The following SMG7 variants were observed in gnomAD, a reference collection of about 807,000 sequenced individuals.
SMG7 encodes the protein nonsense-mediated mRNA decay factor SMG7.
SMG7 carries 34 observed loss-of-function variants against 148.2 expected under a neutral mutation model. That is an observed-to-expected ratio of 0.23 (90% confidence interval 0.17 to 0.31). The LOEUF (loss-of-function observed/expected upper bound fraction) is 0.31. SMG7 is among the 10% of genes least tolerant of loss of function. The pLI, the probability that SMG7 is intolerant of heterozygous loss-of-function variation, is 1.00. For missense variants in SMG7, 1,114 were observed against 1,408.4 expected, an observed-to-expected ratio of 0.79 and a Z score of 3.35; for synonymous variants, 492 against 515.1, an observed-to-expected ratio of 0.96 and a Z score of 0.61.
At chr1:183,524,217 GA>G (rs1160183397) in intron 4 of SMG7, among the ~76,000 whole-genome samples, 1 of 152,018 alleles carries the variant, frequency 6.6e-6, no homozygotes, top group Admixed American at 6.6e-5. Flanking sequence ...AAAGTACGGG[GA>G]CTATAGCACT....
Position 183,542,495 on chromosome 1 carries a change from C to T in SMG7, c.1835C>T (p.Ala612Val). The T allele has an allele frequency of 1.9e-6, 3 of 1,612,302 alleles. No homozygotes were observed. The highest frequency in any genetic ancestry group is 2.5e-6 in the Non-Finnish European group (3 of 1,179,174). ...CAGGAAACAGGAAAGCAGAATGTGG[C>T]AGTGCAGGTAAGCTGTATTTGAACT... ...KLQETGKQNV[A>V]VQVKSQTELR... The change falls in exon 14 of 23, where the codon GCA becomes GTA. Residue 612 changes from alanine (A) to valine (V), a missense_variant. Ala to Val is a moderately conservative substitution (Grantham distance 64). Coordinates refer to ENST00000688051, the MANE Select transcript of SMG7 (RefSeq NM_001375584.1).
chr1:183,546,228 C>T lies in SMG7; in HGVS notation c.2633C>T (p.Ala878Val). Residue 878 changes from alanine to valine, a missense_variant, in exon 17 of 23, where the codon GCT (alanine) becomes GTT (valine). Physicochemically the swap from Ala to Val is moderately conservative, Grantham distance 64 (BLOSUM62 0). Transcript: ENST00000688051. ...EFYWDSSYSM[A>V]DNRSVMAQQA... ...TACTGGGATTCTTCCTACAGCATGG[C>T]TGATAACAGATCTGTAATGGCACAG... 6.2e-7 allele frequency: 1 copy of T among 1,614,084 alleles called. No individual in the cohort carries two copies. The highest frequency in any genetic ancestry group is 8.5e-7 in the Non-Finnish European group (1 of 1,179,966).
intron 1 of SMG7, among the ~76,000 whole-genome samples, chr1:183,480,609 C>T (rs1653838290): frequency 6.6e-6 from 1 of 152,062 alleles, no homozygotes; most frequent in Non-Finnish European, 1.5e-5. Flanking sequence ...TCCCAGGTCC[C>T]TGGGGATAAA....
intron 8 of SMG7, among the ~76,000 whole-genome samples, chr1:183,532,870 A>G (rs560891634): frequency 7.2e-5 from 11 of 152,232 alleles, no homozygotes; most frequent in Non-Finnish European, 1.6e-4. Context: ...TGAACACTCA[A>G]AGACTTTTGT....
intron 12 of SMG7, among the ~76,000 whole-genome samples, chr1:183,540,520 ATATT>A (rs1331543086): frequency 6.6e-6 from 1 of 151,972 alleles, no homozygotes; most frequent in African/African-American, 2.4e-5. Context: ...ATGCTTTACG[ATATT>A]TATACATTTT....
rs1347198111 is a variant in SMG7 at position 183,526,680 on chromosome 1, C to G, written c.397C>G (p.Gln133Glu). The G allele has an allele frequency of 5.6e-6, 9 of 1,613,632 alleles. No homozygotes were observed. Among genetic ancestry groups the G allele is most frequent in the East Asian group, 4.5e-5 (2 of 44,860 alleles). Residue 133 changes from glutamine (Q) to glutamate (E), a missense_variant, in exon 5 of 23, where the codon CAG (glutamine) becomes GAG (glutamate). Transcript: ENST00000688051. Reference protein sequence around the residue: ...SSQLGIISNKQTHTSAIVKPQ... With the variant: ...SSQLGIISNKETHTSAIVKPQ... ...CCAATTGGGAATTATCAGCAATAAA[C>G]AGACGCATACCAGCGCCATAGTGAA...
Position 183,546,340 on chromosome 1 carries a change from G to T in SMG7, c.2742+3G>T, listed in dbSNP as rs369672627. 1.1e-4 allele frequency: 172 copies of T among 1,603,852 alleles called. No individual in the cohort carries two copies. The highest frequency in any genetic ancestry group is 1.4e-4 in the Non-Finnish European group (165 of 1,173,812). On this transcript the variant is annotated splice_donor_region_variant and intron_variant, in intron 17 of 22. Transcript: ENST00000688051. Reference sequence around the variant, plus strand: ...CTGTACCCAGAATGCCGTTTGAGGTGTGTGTTCTTTCCTATCACCAGGCAA... The same window carrying T: ...CTGTACCCAGAATGCCGTTTGAGGTTTGTGTTCTTTCCTATCACCAGGCAA...
In SMG7 at chr1:183,547,148, C is replaced by T. The variant is rs1670068285; in HGVS notation, c.2788C>T (p.Leu930=). 1 of 1,550,416 alleles carries T rather than the reference C, an allele frequency of 6.4e-7. No homozygotes were observed. Reference sequence around the variant, plus strand: ...GCTTCCTCCGGACCTGTTAAAGAGTCTGGCTGCCTTGGAGGAAGAGGAAGA... The same window carrying T: ...GCTTCCTCCGGACCTGTTAAAGAGTTTGGCTGCCTTGGAGGAAGAGGAAGA... ...PLLPPDLLKS[L]AALEEEEELI... is the part of the protein sequence containing the mutation. The change falls in exon 18 of 23, where the codon CTG becomes TTG. Residue 930 remains leucine, a synonymous_variant. Transcript: ENST00000688051.
intron 1 of SMG7, among the ~76,000 whole-genome samples, chr1:183,483,618 G>C (rs1010664476): frequency 6.6e-6 from 1 of 152,132 alleles, no homozygotes; most frequent in Non-Finnish European, 1.5e-5. Flanking sequence ...CATACAACTT[G>C]TGTAATATAT....
chr1:183,497,703 G>A (rs1378543992), intron 1 of SMG7, among the ~76,000 whole-genome samples: 2 of 151,996 alleles, frequency 1.3e-5, no homozygotes, highest in East Asian at 1.9e-4. Flanking sequence ...TGGAGTAGCT[G>A]GGATTATAGG....
rs889997576 is a variant in SMG7, at chr1:183,527,643, C to T, written c.485-313C>T. 2 of 495,040 alleles carry T rather than the reference C, an allele frequency of 4.0e-6. No homozygotes were observed. The highest frequency in any genetic ancestry group is 6.0e-5 in the East Asian group (1 of 16,538). 30.7% of individuals were successfully genotyped at this position (495,040 alleles called of 1,614,324 possible). A position where few individuals can be genotyped will look rare whatever the true frequency, so the allele number is the denominator to read the frequency against. On this transcript the variant is annotated intron_variant, in intron 5 of 22. Coordinates refer to ENST00000688051, the MANE Select transcript of SMG7 (RefSeq NM_001375584.1). This position sits in a 1 kb window ranked among gnomAD's most constrained non-coding sequence, Gnocchi z 4.0. ...TTTTTAAGTGCCATATAACTCACCC[C>T]TTCTTGTGGGCCGGCTCCAGGTCAC...
In SMG7 at chr1:183,515,887, T is replaced by C; in HGVS notation, c.75T>C (p.Gly25=). The C allele has an allele frequency of 6.2e-7, 1 of 1,611,592 alleles. No homozygotes were observed. Among genetic ancestry groups the C allele is most frequent in the African/African-American group, 1.3e-5 (1 of 74,880 alleles). Reference sequence around the variant, plus strand: ...TTTGTTACTCAGATTCTAAGCTGGGTCCAGCTGAAGTCTGGACATCCAGGC... The same window carrying C: ...TTTGTTACTCAGATTCTAAGCTGGGCCCAGCTGAAGTCTGGACATCCAGGC... ...LKADMTDSKL[G]PAEVWTSRQA... is the part of the protein sequence containing the mutation. The change falls in exon 3 of 23, where the codon GGT becomes GGC. Residue 25 remains glycine (G), a synonymous_variant. Transcript: ENST00000688051.
chr1:183,472,743 G>C, intron 1 of SMG7, 94 bp downstream of exon 1: 1 of 1,142,058 alleles, frequency 8.8e-7, no homozygotes. Context: ...GGTGGCGGGG[G>C]AGTTGCTGCG....
chr1:183,548,497 T>G (rs933640956), intron 18 of SMG7, among the ~76,000 whole-genome samples: 8 of 151,190 alleles, frequency 5.3e-5, no homozygotes, highest in Non-Finnish European at 1.2e-4. Flanking sequence ...ATTTTCAGGG[T>G]TTTTTTTTCA....
At chr1:183,522,113 G>T (rs1023771645) in intron 4 of SMG7, among the ~76,000 whole-genome samples, 1 of 152,160 alleles carries the variant, frequency 6.6e-6, no homozygotes, top group Non-Finnish European at 1.5e-5. Context: ...TAGTCGAGTG[G>T]TTGTACCATT....
intron 1 of SMG7, among the ~76,000 whole-genome samples, chr1:183,484,360 A>ATT (rs35414239): frequency 4.1e-4 from 59 of 144,984 alleles, no homozygotes; most frequent in South Asian, 2.0e-3. Flanking sequence ...CTGAAAAAAA[A>ATT]TTTTTTTTTT....
Position 183,553,209 on chromosome 1 carries a change from G to A in SMG7, c.*1278G>A, listed in dbSNP as rs2102848887. On this transcript the variant is annotated 3_prime_UTR_variant, in exon 23 of 23. Coordinates refer to ENST00000688051, the MANE Select transcript of SMG7 (RefSeq NM_001375584.1). Reference sequence around the variant, plus strand: ...CGAAAGAAAGGAAAATAAACTCTTTGTATGATATTTATTAGGAGGAAAGAG... The same window carrying A: ...CGAAAGAAAGGAAAATAAACTCTTTATATGATATTTATTAGGAGGAAAGAG... 1 of 1,529,662 alleles carries A rather than the reference G, an allele frequency of 6.5e-7. No homozygotes were observed. Among genetic ancestry groups the A allele is most frequent in the East Asian group, 2.5e-5 (1 of 40,754 alleles). 94.8% of individuals were successfully genotyped at this position (1,529,662 alleles called of 1,614,324 possible).
chr1:183,473,878 C>T lies in SMG7; in HGVS notation c.29+1229C>T, dbSNP rs980001250. Reference sequence around the variant, plus strand: ...ATGAAAGTATTGACGTGTGTGGATCCCTATATGTATATTGCAAGAGGTGTG... The same window carrying T: ...ATGAAAGTATTGACGTGTGTGGATCTCTATATGTATATTGCAAGAGGTGTG... On this transcript the variant is annotated intron_variant, in intron 1 of 22. Coordinates refer to ENST00000688051, the MANE Select transcript of SMG7 (RefSeq NM_001375584.1). The T allele has an allele frequency of 9.1e-6, 9 of 984,672 alleles. No individual in the cohort carries two copies. The South Asian group carries it at 3.8e-4, about 41-fold the overall frequency. The allele number at this position is 984,672 out of a possible 1,614,324, so 61.0% of individuals were successfully genotyped here.
At chr1:183,523,542 T>C (rs1665206686) in intron 4 of SMG7, among the ~76,000 whole-genome samples, 6 of 152,214 alleles carry the variant, frequency 3.9e-5, no homozygotes, top group Admixed American at 3.9e-4. Context: ...CTGAGGAAAC[T>C]ACTACAAAGT....
Sources: gnomAD v4.1 joint callset for allele counts (sites outside exome capture counted in the v4.1 genomes callset) on GRCh38, gnomAD v4.1.1 for gene constraint, Gnocchi (gnomAD v3.1) non-coding constraint, MANE v1.5 for transcripts, NCBI Gene and HGNC (gene_info 2026-07-23, HGNC 2026-07-21) for gene names.